PPARGC1B: variants seen among roughly 807,000 people sequenced by gnomAD.
PPARGC1B encodes the protein PPARG coactivator 1 beta.
Under a neutral mutation model 101.6 loss-of-function variants are expected in PPARGC1B, and 34 were observed. The observed-to-expected ratio is 0.33, with a 90% CI of 0.25 to 0.45. PPARGC1B has a LOEUF of 0.45. Ranked by LOEUF, PPARGC1B falls within the 20% of genes least tolerant of loss-of-function variation. The pLI is 1.00. For synonymous variants in PPARGC1B, 548 were observed against 539.3 expected, an observed-to-expected ratio of 1.02 and a Z score of -0.22; for missense variants, 1,234 against 1,317.6, an observed-to-expected ratio of 0.94 and a Z score of 0.98.
intron 1 of PPARGC1B, among the ~76,000 whole-genome samples, chr5:149,763,526 G>GTTTTTTTTTT (rs70973540): frequency 1.5e-5 from 1 of 67,678 alleles, no homozygotes; most frequent in Non-Finnish European, 2.6e-5. Flanking sequence ...TTCACTCCTG[G>GTTTTTTTTTT]TTTTTTTTTT....
chr5:149,768,507 C>T (rs187193248), intron 1 of PPARGC1B, among the ~76,000 whole-genome samples: 405 of 144,078 alleles, frequency 2.8e-3, no homozygotes, highest in Non-Finnish European at 4.2e-3. Flanking sequence ...GCAGTGGTGC[C>T]ATCTCGGCTC....
intron 1 of PPARGC1B, among the ~76,000 whole-genome samples, chr5:149,788,847 G>A (rs1448996048): frequency 6.6e-6 from 1 of 152,126 alleles, no homozygotes; most frequent in Non-Finnish European, 1.5e-5. Flanking sequence ...AACACTGCAT[G>A]TTCTCACTCA....
chr5:149,780,444 A>G (rs1339695686), intron 1 of PPARGC1B, among the ~76,000 whole-genome samples: 1 of 152,204 alleles, frequency 6.6e-6, no homozygotes. Flanking sequence ...AACCTGAGAC[A>G]GGGTCCCTCT....
intron 1 of PPARGC1B, among the ~76,000 whole-genome samples, chr5:149,797,512 CT>C (rs1341056674): frequency 6.6e-6 from 1 of 152,202 alleles, no homozygotes; most frequent in Non-Finnish European, 1.5e-5. Context: ...GCCACTAGCT[CT>C]TGTTATTTGT....
chr5:149,802,740 G>T (rs535254374), intron 1 of PPARGC1B, among the ~76,000 whole-genome samples: 1 of 151,894 alleles, frequency 6.6e-6, no homozygotes, highest in South Asian at 2.1e-4. Flanking sequence ...ACATGATAAG[G>T]ATCTGACTCG....
chr5:149,770,641 T>G (rs1043787022), intron 1 of PPARGC1B, among the ~76,000 whole-genome samples: 3 of 151,406 alleles, frequency 2.0e-5, no homozygotes, highest in African/African-American at 7.3e-5. Flanking sequence ...GAGGCTAGCC[T>G]GGGCAGCATA....
At chr5:149,770,431 A>G (rs1756083710) in intron 1 of PPARGC1B, among the ~76,000 whole-genome samples, 1 of 152,234 alleles carries the variant, frequency 6.6e-6, no homozygotes, top group Non-Finnish European at 1.5e-5. Flanking sequence ...TTGAAGATCC[A>G]GATAGGGGAA....
chr5:149,732,928 C>A, intron 1 of PPARGC1B: 1 of 382,812 alleles, frequency 2.6e-6, no homozygotes, highest in Non-Finnish European at 5.5e-6. Flanking sequence ...GCTGGGTGAC[C>A]CCGGAGCAAG....
Position 149,833,887 on chromosome 5 carries a change from T to C in PPARGC1B, c.1705+109T>C. 1.4e-6 allele frequency: 2 copies of C among 1,407,018 alleles called. No homozygotes were observed. Among genetic ancestry groups the C allele is most frequent in the Non-Finnish European group, 1.8e-6 (2 of 1,084,012 alleles). The allele number at this position is 1,407,018 out of a possible 1,614,324, so 87.2% of individuals were successfully genotyped here. On this transcript the variant is annotated intron_variant, in intron 5 of 11. Transcript: ENST00000309241. This position sits in a 1 kb window ranked among gnomAD's most constrained non-coding sequence, Gnocchi z 4.1. ...TTCAAGTCCCCGTCCCCCAACAAAG[T>C]GTTATATGGGTTTGGACAAGTCCCT...
chr5:149,750,706 A>G (rs1367539420), intron 1 of PPARGC1B, among the ~76,000 whole-genome samples: 2 of 152,200 alleles, frequency 1.3e-5, no homozygotes, highest in Non-Finnish European at 1.5e-5. Context: ...AGTGAACCAC[A>G]TTTAACGTAC....
chr5:149,853,829 C>T lies in PPARGC1B; in HGVS notation c.*6271C>T, dbSNP rs1354014059. 5 of 152,202 alleles carry T rather than the reference C, an allele frequency of 3.3e-5. No individual in the cohort carries two copies. The highest frequency in any genetic ancestry group is 1.3e-4 in the Admixed American group (2 of 15,274). The allele number at this position is 152,202 out of a possible 1,614,324, so 9.4% of individuals were successfully genotyped here. On this transcript the variant is annotated 3_prime_UTR_variant, in exon 12 of 12. Transcript: ENST00000309241. This position sits in a 1 kb window ranked among gnomAD's most constrained non-coding sequence, Gnocchi z 4.2. ...GTGGTATGTGCAGCAGGGGAATAGACTGCTTGGATTTCCAAATGGTTTCTG... is the reference window on the plus strand; with the variant it reads ...GTGGTATGTGCAGCAGGGGAATAGATTGCTTGGATTTCCAAATGGTTTCTG...
chr5:149,857,168 G>T (rs1361530324), downstream of PPARGC1B, among the ~76,000 whole-genome samples: 1 of 152,182 alleles, frequency 6.6e-6, no homozygotes, highest in East Asian at 1.9e-4. Context: ...CTCACCATGT[G>T]ATAAATGGAG....
intron 4 of PPARGC1B, 29 bp downstream of exon 4, chr5:149,830,912 C>T (rs200331929): frequency 1.0e-5 from 15 of 1,488,516 alleles, no homozygotes; most frequent in Admixed American, 1.7e-5. Flanking sequence ...CCAAATCTAC[C>T]CCAGGTGTCT....
At chr5:149,817,652 A>G in intron 1 of PPARGC1B, 1 of 453,040 alleles carries the variant, frequency 2.2e-6, no homozygotes, top group Non-Finnish European at 4.5e-6. Context: ...CTTATATAAC[A>G]CAGTGCCTGG....
chr5:149,747,061 T>A (rs1301878508), intron 1 of PPARGC1B, among the ~76,000 whole-genome samples: 1 of 152,242 alleles, frequency 6.6e-6, no homozygotes, highest in Non-Finnish European at 1.5e-5. Context: ...TTTATTCTGT[T>A]GATAGTGTCT....
At chr5:149,798,963 T>C (rs892836264) in intron 1 of PPARGC1B, among the ~76,000 whole-genome samples, 1 of 152,106 alleles carries the variant, frequency 6.6e-6, no homozygotes, top group Non-Finnish European at 1.5e-5. Flanking sequence ...GGCTGGGTGC[T>C]GAGGAAGGCA....
At chr5:149,739,818 A>G (rs1580998340) in intron 1 of PPARGC1B, among the ~76,000 whole-genome samples, 2 of 152,216 alleles carry the variant, frequency 1.3e-5, no homozygotes, top group South Asian at 4.1e-4. Context: ...GAGTTCTCTC[A>G]TGAGATGCTC....
intron 4 of PPARGC1B, among the ~76,000 whole-genome samples, chr5:149,831,302 C>T (rs990497107): frequency 6.6e-6 from 1 of 152,148 alleles, no homozygotes; most frequent in African/African-American, 2.4e-5. Context: ...CATCCAGGGT[C>T]AAAGAACATC....
At chr5:149,732,803 C>T (rs994844917) in intron 1 of PPARGC1B, 15 of 476,156 alleles carry the variant, frequency 3.2e-5, no homozygotes, top group Admixed American at 3.0e-4. Flanking sequence ...GACCATGCAG[C>T]CAGAGGGTGA....
Sources: allele counts gnomAD v4.1 joint callset (sites outside exome capture counted in the v4.1 genomes callset), GRCh38; gene constraint gnomAD v4.1.1; non-coding constraint Gnocchi (gnomAD v3.1); transcripts MANE v1.5; gene names NCBI Gene and HGNC (gene_info 2026-07-23, HGNC 2026-07-21).